The following DAB2IP variants were observed in gnomAD, a reference collection of about 807,000 sequenced individuals.
DAB2IP encodes disabled homolog 2-interacting protein.
Under a neutral mutation model 107.2 loss-of-function variants are expected in DAB2IP, and 28 were observed. That is an observed-to-expected ratio of 0.26 (90% confidence interval 0.19 to 0.36). The LOEUF (loss-of-function observed/expected upper bound fraction) is 0.36. Ranked by LOEUF, DAB2IP falls within the 10% of genes least tolerant of loss-of-function variation. The pLI, the probability that DAB2IP is intolerant of heterozygous loss-of-function variation, is 1.00. For synonymous variants in DAB2IP, 755 were observed against 706.4 expected (o/e 1.07, Z -1.09); for missense variants, 1,400 against 1,644.7 (o/e 0.85, Z 2.57).
At chr9:121,611,379 C>G (rs1831089683) in intron 1 of DAB2IP, among the ~76,000 whole-genome samples, 1 of 152,138 alleles carries the variant, frequency 6.6e-6, no homozygotes, top group Non-Finnish European at 1.5e-5. Context: ...CTCGTTCCCA[C>G]CCCAAGGAAG....
At chr9:121,704,380 G>C (rs1159194732) in intron 3 of DAB2IP, among the ~76,000 whole-genome samples, 1 of 152,136 alleles carries the variant, frequency 6.6e-6, no homozygotes, top group Admixed American at 6.5e-5. Flanking sequence ...GGCAGAAAAA[G>C]GGCATTTTTT....
intron 1 of DAB2IP, among the ~76,000 whole-genome samples, chr9:121,604,069 G>A (rs909599472): frequency 1.3e-5 from 2 of 152,076 alleles, no homozygotes; most frequent in African/African-American, 4.8e-5. Context: ...TTTGCACCCT[G>A]ATCCTTGCAA....
At chr9:121,639,229 C>A (rs62575880) in intron 1 of DAB2IP, among the ~76,000 whole-genome samples, 41,175 of 152,124 alleles carry the variant, frequency 0.27, 5,689 homozygotes, top group South Asian at 0.37. Flanking sequence ...ATTAAGTATG[C>A]ACTGAGTGGC....
At chr9:121,661,891 G>T (rs1833221598) in intron 1 of DAB2IP, among the ~76,000 whole-genome samples, 1 of 151,942 alleles carries the variant, frequency 6.6e-6, no homozygotes, top group Non-Finnish European at 1.5e-5. Context: ...TGAGGGTGGA[G>T]GATTGCCTGG....
At chr9:121,742,641 A>T (rs775119046) in intron 3 of DAB2IP, 6 of 702,862 alleles carry the variant, frequency 8.5e-6, no homozygotes, top group Non-Finnish European at 1.0e-5. Flanking sequence ...TCTTGTGGAC[A>T]GTGGAAGGGC....
rs566417619 is a variant in DAB2IP, at chr9:121,746,558, A to T, written c.363-10455A>T. Among the ~76,000 whole-genome samples the T allele has an allele frequency of 2.6e-5, 4 of 152,212 alleles. 1 individual carries two copies. The South Asian group carries it at 6.2e-4, about 24-fold the overall frequency. On this transcript the variant is annotated intron_variant, in intron 3 of 15. Transcript: ENST00000408936. ...GAGGCCATCCCTAGATCACCCCAAC[A>T]TGAATGGCCCACCTGGTCCCAGGAA...
At chr9:121,708,364 G>GC (rs1406795923) in intron 3 of DAB2IP, among the ~76,000 whole-genome samples, 2 of 152,178 alleles carry the variant, frequency 1.3e-5, no homozygotes, top group Non-Finnish European at 2.9e-5. Flanking sequence ...TCTCATTAAG[G>GC]CTGTGATGCC....
At chr9:121,686,560 A>G (rs1476816227) in intron 2 of DAB2IP, among the ~76,000 whole-genome samples, 2 of 152,026 alleles carry the variant, frequency 1.3e-5, no homozygotes, top group Non-Finnish European at 2.9e-5. Context: ...TCCTCTCTTC[A>G]CACCCACTCA....
chr9:121,610,373 C>T (rs772606452), intron 1 of DAB2IP, among the ~76,000 whole-genome samples: 15 of 152,202 alleles, frequency 9.9e-5, no homozygotes, highest in Non-Finnish European at 1.6e-4. Context: ...CCACTCGGCT[C>T]ATCAGCCCAT....
intron 1 of DAB2IP, among the ~76,000 whole-genome samples, chr9:121,606,152 G>A (rs1830863337): frequency 6.6e-6 from 1 of 152,094 alleles, no homozygotes; most frequent in Admixed American, 6.5e-5. Context: ...GACCAGCCTG[G>A]TCAACATGGT....
chr9:121,610,342 T>C (rs1360801326), intron 1 of DAB2IP, among the ~76,000 whole-genome samples: 1 of 152,198 alleles, frequency 6.6e-6, no homozygotes, highest in Non-Finnish European at 1.5e-5. Flanking sequence ...TCACACTTTC[T>C]GAGTACTTCC....
At chr9:121,667,174 C>T (rs1833479135) in intron 1 of DAB2IP, among the ~76,000 whole-genome samples, 1 of 152,086 alleles carries the variant, frequency 6.6e-6, no homozygotes, top group African/African-American at 2.4e-5. Context: ...CCACGCCTGA[C>T]TAACTTTTTG....
intron 1 of DAB2IP, among the ~76,000 whole-genome samples, chr9:121,641,901 CTTTCTTTCTT>C (rs1408689637): frequency 2.3e-4 from 19 of 82,698 alleles, no homozygotes; most frequent in South Asian, 5.3e-4. Context: ...CCCTTTCTTT[CTTTCTTTCTT>C]TCTTTCTTTC....
intron 1 of DAB2IP, among the ~76,000 whole-genome samples, chr9:121,570,639 C>G (rs1242583244): frequency 1.3e-5 from 2 of 152,134 alleles, no homozygotes; most frequent in Non-Finnish European, 2.9e-5. Context: ...GCTTCGAACT[C>G]CTGGGTGTAA....
At chr9:121,649,049 G>T (rs1401889174), upstream of DAB2IP, among the ~76,000 whole-genome samples, 5 of 152,186 alleles carry the variant, frequency 3.3e-5, no homozygotes, top group African/African-American at 4.8e-5. Flanking sequence ...GGGCCAGGAA[G>T]AAGGAAAAGG....
chr9:121,765,484 G>A (rs1834213647), intron 8 of DAB2IP, among the ~76,000 whole-genome samples: 2 of 152,260 alleles, frequency 1.3e-5, no homozygotes, highest in African/African-American at 4.8e-5. Context: ...AGGCTGCTGG[G>A]CCTGTGGGGG....
Position 121,681,658 on chromosome 9 carries a change from T to A in DAB2IP, c.228+2877T>A, listed in dbSNP as rs1564153528. 3.3e-5 allele frequency among the ~76,000 whole-genome samples: 5 copies of A among 152,234 alleles called. No individual in the cohort carries two copies. In the South Asian group the frequency reaches 1.0e-3, roughly 32 times the overall value. ...TCTTTAGCTGGTGTCACTCAGCTCC[T>A]GAGTCAGGACTGCCGGACATCTACG... On this transcript the variant is annotated intron_variant, in intron 2 of 15. Transcript: ENST00000408936.
chr9:121,714,120 G>A (rs1347456591), intron 3 of DAB2IP, among the ~76,000 whole-genome samples: 1 of 152,132 alleles, frequency 6.6e-6, no homozygotes, highest in African/African-American at 2.4e-5. Flanking sequence ...CCATGCTTTT[G>A]CTTTTTTGTT....
rs1356187094 is a variant in DAB2IP at position 121,633,145 on chromosome 9, G to C, written c.41-45533G>C. ...TCTTAATAAATTGTTCTCAAATTGT[G>C]CACTATTAAACTCCTGAAAAATTCA... On this transcript the variant is annotated intron_variant, in intron 1 of 16. Transcript: ENST00000259371. This position sits in a 1 kb window ranked among gnomAD's most constrained non-coding sequence, Gnocchi z 5.1. Among the ~76,000 whole-genome samples the C allele has an allele frequency of 6.6e-6, 1 of 152,190 alleles. No homozygotes were observed. Among genetic ancestry groups the C allele is most frequent in the Non-Finnish European group, 1.5e-5 (1 of 68,034 alleles).
Sources: gnomAD v4.1 joint callset for allele counts (sites outside exome capture counted in the v4.1 genomes callset) on GRCh38, gnomAD v4.1.1 for gene constraint, Gnocchi (gnomAD v3.1) non-coding constraint, MANE v1.5 for transcripts, NCBI Gene and HGNC (gene_info 2026-07-23, HGNC 2026-07-21) for gene names.